Variants in PER2 observed in about 807,000 individuals in gnomAD.
PER2 encodes the protein period circadian protein homolog 2.
PER2 carries 66 observed loss-of-function variants against 121.0 expected under a neutral mutation model. The ratio of observed to expected loss-of-function variants is 0.55; its 90% CI spans 0.45 to 0.67. The LOEUF is 0.67. Among genes scored for constraint, PER2 ranks in the 30% least tolerant of loss-of-function variants. The pLI, the probability that PER2 is intolerant of heterozygous loss-of-function variation, is 0.00. For synonymous variants in PER2, 684 were observed against 659.9 expected (o/e 1.04, Z -0.56); for missense variants, 1,521 against 1,635.0 (o/e 0.93, Z 1.20).
At chr2:238,286,668 C>G (rs1156468298) in intron 1 of PER2, among the ~76,000 whole-genome samples, 1 of 152,214 alleles carries the variant, frequency 6.6e-6, no homozygotes, top group African/African-American at 2.4e-5. Flanking sequence ...GAGTAGTTTT[C>G]AAAAGGTAAA....
intron 9 of PER2, among the ~76,000 whole-genome samples, chr2:238,265,237 G>A (rs1375841362): frequency 1.3e-5 from 2 of 152,186 alleles, no homozygotes; most frequent in East Asian, 1.9e-4. Context: ...AGGCAACAGC[G>A]CCTCTGTCTG....
In PER2 at chr2:238,249,121, G is replaced by A. The variant is rs774194488; in HGVS notation, c.3559C>T (p.Leu1187=). The change falls in exon 22 of 23, where the codon CTG becomes TTG. Residue 1187 remains leucine (L), a synonymous_variant. Coordinates refer to ENST00000254657, the MANE Select transcript of PER2 (RefSeq NM_022817.3). ...TGCATCCACTGGTGGACCTCGCGCAGCTCCTGCTTCTGACTCTCCGTGAAC... is the reference window on the plus strand; with the variant it reads ...TGCATCCACTGGTGGACCTCGCGCAACTCCTGCTTCTGACTCTCCGTGAAC... The part of the protein sequence containing the change: ...PRFTESQKQE[L]REVHQWMQTG... The A allele has an allele frequency of 1.9e-6, 3 of 1,614,072 alleles. No individual in the cohort carries two copies. The highest frequency in any genetic ancestry group is 1.7e-6 in the Non-Finnish European group (2 of 1,180,012).
Position 238,271,372 on chromosome 2 carries a change from C to A in PER2, c.712G>T (p.Val238Leu). The A allele has an allele frequency of 6.2e-7, 1 of 1,614,210 alleles. No individual in the cohort carries two copies. The highest frequency in any genetic ancestry group is 8.5e-7 in the Non-Finnish European group (1 of 1,180,004). ...TACGGGGAGGTGAAACTGTGGAACA[C>A]GCCCACATCGTGAGGCGCCAGGAAC... is the stretch of plus-strand genomic sequence containing the variant. ...VEFLAPHDVG[V>L]FHSFTSPYKL... The change falls in exon 6 of 23, where the codon GTG becomes TTG. Residue 238 changes from valine to leucine, a missense_variant. By Grantham distance (32) the Val-to-Leu change is conservative (BLOSUM62 1). Transcript: ENST00000254657.
chr2:238,294,085 C>T (rs1048792801), upstream of PER2, among the ~76,000 whole-genome samples: 1 of 152,102 alleles, frequency 6.6e-6, no homozygotes, highest in Non-Finnish European at 1.5e-5. Flanking sequence ...GAGGTGATAC[C>T]CGTGTTCAAG....
At chr2:238,275,930 T>C in intron 3 of PER2, 33 bp from the exon 4 acceptor site, 1 of 1,613,242 alleles carries the variant, frequency 6.2e-7, no homozygotes, top group Non-Finnish European at 8.5e-7. Flanking sequence ...AGCCAAATGT[T>C]AGCTTCCTAG....
At chr2:238,273,973 A>G (rs1432819515) in intron 4 of PER2, among the ~76,000 whole-genome samples, 2 of 152,152 alleles carry the variant, frequency 1.3e-5, no homozygotes, top group Non-Finnish European at 1.5e-5. Flanking sequence ...GCCCCTAGAA[A>G]GTCTTTAATC....
Position 238,257,036 on chromosome 2 carries a change from G to A in PER2, c.1951C>T (p.Leu651=). The A allele has an allele frequency of 6.2e-7, 1 of 1,613,500 alleles. No homozygotes were observed. The highest frequency in any genetic ancestry group is 8.5e-7 in the Non-Finnish European group (1 of 1,179,934). The change falls in exon 17 of 23, where the codon CTG becomes TTG. Residue 651 remains leucine (L), a synonymous_variant. Coordinates refer to ENST00000254657, the MANE Select transcript of PER2 (RefSeq NM_022817.3). ...TTGCCCGGCAGTGCCAGCGAGGTCA[G>A]GTGCGTACCTACTCCCGTGCGGCTG... ...VNSRTGVGTH[L]TSLALPGKAE...
At position 238,253,650 on chromosome 2, in the gene PER2, T is replaced by C; in HGVS notation, c.2373A>G (p.Thr791=). 1 of 1,609,280 alleles carries C rather than the reference T, an allele frequency of 6.2e-7. No homozygotes were observed. The highest frequency in any genetic ancestry group is 2.2e-5 in the East Asian group (1 of 44,838). ...TGGACTTCAATTTTCTGTTCTTTCC[T>C]GTTTTTTTCCAAGGTGAATCTATTC... ...TSGIDSPWKK[T]GKNRKLKSKR... Residue 791 remains threonine, a synonymous_variant, in exon 19 of 23, where the codon ACA becomes ACG. Coordinates refer to ENST00000254657, the MANE Select transcript of PER2 (RefSeq NM_022817.3). This position sits in a 1 kb window ranked among gnomAD's most constrained non-coding sequence, Gnocchi z 5.6.
rs1027670244 is a variant in PER2, at chr2:238,244,551, G to C, written c.*1824C>G. On this transcript the variant is annotated 3_prime_UTR_variant, in exon 23 of 23. Transcript: ENST00000254657. ...CATGATCTGACTTTAGAGGCAAGGA[G>C]TTTGTAACATCTAATGGCCATAAGA... is the stretch of plus-strand genomic sequence containing the variant. 6.6e-6 allele frequency: 1 copy of C among 152,200 alleles called. No individual in the cohort carries two copies. The highest frequency in any genetic ancestry group is 2.4e-5 in the African/African-American group (1 of 41,432). The allele number at this position is 152,200 out of a possible 1,614,324, so 9.4% of individuals were successfully genotyped here.
At chr2:238,270,759 C>T (rs537599621) in intron 6 of PER2, among the ~76,000 whole-genome samples, 3 of 152,344 alleles carry the variant, frequency 2.0e-5, no homozygotes, top group South Asian at 2.1e-4. Flanking sequence ...GCTACAGGGG[C>T]AGGCCCAGCA....
chr2:238,249,517 T>G (rs964080837), intron 21 of PER2, among the ~76,000 whole-genome samples: 12 of 152,108 alleles, frequency 7.9e-5, no homozygotes, highest in African/African-American at 2.9e-4. Flanking sequence ...ATCTGGGAGA[T>G]TCTTGCCAGC....
At chr2:238,274,685 C>T (rs568615621) in intron 4 of PER2, among the ~76,000 whole-genome samples, 1 of 152,236 alleles carries the variant, frequency 6.6e-6, no homozygotes, top group African/African-American at 2.4e-5. Context: ...TCCACAGGCA[C>T]GCAGGCCCAG....
chr2:238,257,580 TCTC>T (rs1462382999), intron 16 of PER2, among the ~76,000 whole-genome samples: 10 of 152,328 alleles, frequency 6.6e-5, no homozygotes, highest in African/African-American at 2.4e-4. Flanking sequence ...TACAAGCCAT[TCTC>T]CTGCCTCAGC....
At chr2:238,258,423 TG>T (rs1405925504) in intron 15 of PER2, 23 bp from the exon 16 acceptor site, 1 of 1,614,104 alleles carries the variant, frequency 6.2e-7, no homozygotes, top group South Asian at 1.1e-5. Flanking sequence ...CATGAACCAC[TG>T]GTGAGGCCAC....
chr2:238,295,954 CG>C, the PER2 span: 1 of 246,816 alleles, frequency 4.1e-6, no homozygotes, highest in Admixed American at 5.5e-5. Flanking sequence ...AGGGGTGACA[CG>C]TGCTGCTGAA....
chr2:238,266,965 T>C (rs983490599), intron 8 of PER2, among the ~76,000 whole-genome samples: 1 of 149,336 alleles, frequency 6.7e-6, no homozygotes, highest in Non-Finnish European at 1.5e-5. Flanking sequence ...AGGAGAATTG[T>C]AGAATCCAGG....
chr2:238,277,555 G>T, intron 2 of PER2, 152 bp downstream of exon 2: 1 of 925,484 alleles, frequency 1.1e-6, no homozygotes, highest in Non-Finnish European at 1.6e-6. Flanking sequence ...TATGAGGAAG[G>T]ACAGACACTG....
intron 21 of PER2, 113 bp from the exon 22 acceptor site, chr2:238,249,325 T>C (rs1695536845): frequency 1.7e-5 from 19 of 1,139,270 alleles, no homozygotes; most frequent in Non-Finnish European, 2.3e-5. Flanking sequence ...AATTTCCTTT[T>C]CTTTAAAAAA....
rs767237102 is a variant in PER2, at chr2:238,277,789, C to T, written c.148G>A (p.Gly50Arg). Residue 50 changes from glycine (G) to arginine (R), a missense_variant, in exon 2 of 23, where the codon GGG becomes AGG. Gly to Arg is a moderately radical substitution (Grantham distance 125, BLOSUM62 -2). Transcript: ENST00000254657. ...CAGTCACTGCCCTGCGAGTCCCGCC[C>T]CGTGGAGCAGTTTTCGTTGGTCTCA... ...GHETNENCST[G>R]RDSQGSDCDD... 1.2e-6 allele frequency: 2 copies of T among 1,614,204 alleles called. No homozygotes were observed. The highest frequency in any genetic ancestry group is 3.3e-5 in the Admixed American group (2 of 60,016).
Sources: gnomAD v4.1 joint callset for allele counts (sites outside exome capture counted in the v4.1 genomes callset) on GRCh38, gnomAD v4.1.1 for gene constraint, Gnocchi (gnomAD v3.1) non-coding constraint, MANE v1.5 for transcripts, NCBI Gene and HGNC (gene_info 2026-07-23, HGNC 2026-07-21) for gene names.